Variants in AR observed in about 807,000 individuals in gnomAD.
AR encodes dihydrotestosterone receptor.
A neutral mutation model predicts 53.9 loss-of-function variants in AR; 8 were observed. The ratio of observed to expected loss-of-function variants is 0.15; its 90% confidence interval spans 0.09 to 0.27. The LOEUF is 0.27. Among genes scored for constraint, AR ranks in the 10% least tolerant of loss-of-function variants. The pLI is 1.00. For synonymous variants in AR, 359 were observed against 316.4 expected, an observed-to-expected ratio of 1.13 and a Z score of -1.43; for missense variants, 639 against 742.5, an observed-to-expected ratio of 0.86 and a Z score of 1.62.
chrX:67,589,771 G>A (rs968635459), intron 1 of AR, among the ~76,000 whole-genome samples: 1 of 111,665 alleles, frequency 9.0e-6, no homozygotes, highest in African/African-American at 3.3e-5. Flanking sequence ...CAGGCAGCCA[G>A]TTTCCCCTCT....
intron 1 of AR, among the ~76,000 whole-genome samples, chrX:67,574,319 T>TAAAA (rs1455331769): frequency 3.6e-5 from 4 of 111,462 alleles, no homozygotes; most frequent in Non-Finnish European, 5.7e-5. Flanking sequence ...TCCCACCCTC[T>TAAAA]AAAACAACAG....
intron 2 of AR, among the ~76,000 whole-genome samples, chrX:67,658,103 G>A (rs1217554336): frequency 1.8e-5 from 2 of 112,186 alleles, no homozygotes; most frequent in African/African-American, 6.5e-5. Flanking sequence ...GACACATTCA[G>A]CCATAATCAA....
chrX:67,563,106 CA>C (rs1921406883), intron 1 of AR, among the ~76,000 whole-genome samples: 1 of 111,762 alleles, frequency 8.9e-6, no homozygotes, highest in African/African-American at 3.3e-5. Flanking sequence ...CACTTTTTAA[CA>C]ATTTAAAAGC....
At chrX:67,636,848 G>C (rs1925459890) in intron 1 of AR, among the ~76,000 whole-genome samples, 1 of 111,462 alleles carries the variant, frequency 9.0e-6, no homozygotes, top group African/African-American at 3.3e-5. Flanking sequence ...CACTATCTCA[G>C]GTCTCTAGTC....
At chrX:67,616,815 C>T (rs1023004495) in intron 1 of AR, among the ~76,000 whole-genome samples, 2 of 111,173 alleles carry the variant, frequency 1.8e-5, no homozygotes, top group African/African-American at 6.5e-5. Flanking sequence ...AAACAAGCCC[C>T]AGCTACTCTT....
chrX:67,680,558 C>A (rs2075927188), intron 2 of AR, among the ~76,000 whole-genome samples: 1 of 111,607 alleles, frequency 9.0e-6, no homozygotes, highest in Non-Finnish European at 1.9e-5. Context: ...CATATAGGTC[C>A]TGCATTAACA....
At chrX:67,676,527 A>G (rs1289479980) in intron 2 of AR, among the ~76,000 whole-genome samples, 1 of 112,186 alleles carries the variant, frequency 8.9e-6, no homozygotes, top group Non-Finnish European at 1.9e-5. Flanking sequence ...TGGCCAAGAA[A>G]TACCATGGGG....
intron 1 of AR, among the ~76,000 whole-genome samples, chrX:67,642,640 T>G (rs1345072103): frequency 5.4e-5 from 6 of 111,235 alleles, no homozygotes; most frequent in Non-Finnish European, 1.1e-4. Context: ...CTAAGGAAAG[T>G]GAAGAAATGA....
At position 67,641,523 on chromosome X, in the gene AR, G is replaced by T. The variant is rs1163540573; in HGVS notation, c.1617-1733G>T. 2.7e-5 allele frequency among the ~76,000 whole-genome samples: 3 copies of T among 111,920 alleles called. No individual in the cohort carries two copies. In the East Asian group the frequency reaches 8.4e-4, roughly 32 times the overall value. ...AATGACATTTTTAGCCAAAAGAAATGATCTTAGCATTTAGCTGAATTATAT... is the reference window on the plus strand; with the variant it reads ...AATGACATTTTTAGCCAAAAGAAATTATCTTAGCATTTAGCTGAATTATAT... On this transcript the variant is annotated intron_variant, in intron 1 of 7. Transcript: ENST00000374690.
intron 2 of AR, among the ~76,000 whole-genome samples, chrX:67,663,251 A>G (rs1301129496): frequency 8.9e-6 from 1 of 112,010 alleles, no homozygotes; most frequent in Non-Finnish European, 1.9e-5. Flanking sequence ...ATGTTTTTGC[A>G]GTGGCTGGTA....
chrX:67,673,471 ATTT>A (rs34317430), intron 2 of AR, among the ~76,000 whole-genome samples: 893 of 68,420 alleles, frequency 0.013, 9 homozygotes, highest in African/African-American at 0.038. Context: ...ATTGTTTGCT[ATTT>A]TTTTTTTTTT....
chrX:67,637,003 T>C (rs1925467729), intron 1 of AR, among the ~76,000 whole-genome samples: 1 of 111,981 alleles, frequency 8.9e-6, no homozygotes, highest in African/African-American at 3.2e-5. Flanking sequence ...ATATTTTGTC[T>C]TTCATTGATT....
At chrX:67,630,329 G>C (rs1212488346) in intron 1 of AR, among the ~76,000 whole-genome samples, 9 of 111,303 alleles carry the variant, frequency 8.1e-5, no homozygotes, top group African/African-American at 2.9e-4. Flanking sequence ...CTCCTGTATT[G>C]GGTGCATATA....
rs777374668 is a variant in AR at position 67,615,668 on chromosome X, CACTTA to C, written c.1617-27582_1617-27578del. ...AAATACATCATTATATATTCTTTTC[CACTTA>C]ACTTATTTAAAATCAATTTCTTAAA... On this transcript the variant is annotated intron_variant, in intron 1 of 7. Transcript: ENST00000374690. Among the ~76,000 whole-genome samples, 108 of 110,860 alleles carry C rather than the reference CACTTA, an allele frequency of 9.7e-4. 1 individual carries two copies. Among genetic ancestry groups the C allele is most frequent in the African/African-American group, 3.4e-3 (104 of 30,629 alleles).
chrX:67,685,344 G>A (rs1410722098), intron 2 of AR, among the ~76,000 whole-genome samples: 1 of 111,370 alleles, frequency 9.0e-6, no homozygotes, highest in East Asian at 2.8e-4. Flanking sequence ...ATGTATCTGT[G>A]ACAACTCCAG....
chrX:67,716,414 C>T (rs766620668), intron 4 of AR, among the ~76,000 whole-genome samples: 8 of 111,704 alleles, frequency 7.2e-5, no homozygotes, highest in Non-Finnish European at 1.1e-4. Flanking sequence ...TAGTGTTTAC[C>T]GGATGAAAGG....
intron 2 of AR, among the ~76,000 whole-genome samples, chrX:67,669,584 G>T (rs544015009): frequency 9.0e-6 from 1 of 111,452 alleles, no homozygotes; most frequent in Non-Finnish European, 1.9e-5. Context: ...GATTAAAGCC[G>T]ATGTTTCATT....
chrX:67,551,718 G>T (rs1930005152), intron 1 of AR, among the ~76,000 whole-genome samples: 1 of 111,658 alleles, frequency 9.0e-6, no homozygotes, highest in African/African-American at 3.3e-5. Flanking sequence ...CCTCTCTAGA[G>T]CAATACTCCC....
chrX:67,665,810 A>T (rs760956525), intron 2 of AR, among the ~76,000 whole-genome samples: 3 of 112,238 alleles, frequency 2.7e-5, no homozygotes, highest in African/African-American at 9.7e-5. Context: ...AGGAAATATA[A>T]TTCCAGAGTT....
Sources: gnomAD v4.1 joint callset for allele counts (sites outside exome capture counted in the v4.1 genomes callset) on GRCh38, gnomAD v4.1.1 for gene constraint, MANE v1.5 for transcripts, NCBI Gene and HGNC (gene_info 2026-07-23, HGNC 2026-07-21) for gene names.